Variants in ZDHHC17 observed in about 807,000 individuals in gnomAD.
The protein encoded by ZDHHC17 is palmitoyltransferase ZDHHC17.
ZDHHC17 carries 40 observed loss-of-function variants against 90.3 expected under a neutral mutation model. The observed-to-expected ratio is 0.44, with a 90% CI of 0.34 to 0.58. The LOEUF (loss-of-function observed/expected upper bound fraction) is 0.58. ZDHHC17 is among the 20% of genes least tolerant of loss of function. The pLI is 0.01. For synonymous variants in ZDHHC17, 235 were observed against 252.4 expected (o/e 0.93, Z 0.65); for missense variants, 614 against 780.8 (o/e 0.79, Z 2.55).
chr12:76,812,534 CTCTTT>C (rs1366723830), intron 5 of ZDHHC17, among the ~76,000 whole-genome samples: 5 of 152,070 alleles, frequency 3.3e-5, no homozygotes, highest in Non-Finnish European at 5.9e-5. Context: ...TCTTCCCTTT[CTCTTT>C]TATCGACTGT....
At chr12:76,775,265 A>G (rs1952545929) in intron 1 of ZDHHC17, among the ~76,000 whole-genome samples, 1 of 152,224 alleles carries the variant, frequency 6.6e-6, no homozygotes, top group African/African-American at 2.4e-5. Flanking sequence ...AAAATCATCA[A>G]AACTTGTGGA....
chr12:76,772,531 A>G (rs568461023), intron 1 of ZDHHC17, among the ~76,000 whole-genome samples: 2 of 118,700 alleles, frequency 1.7e-5, no homozygotes, highest in East Asian at 2.7e-4. Context: ...GGTTCTTAAC[A>G]CTTGTTTTTT....
At chr12:76,814,516 A>G (rs1316148611) in intron 5 of ZDHHC17, among the ~76,000 whole-genome samples, 2 of 151,908 alleles carry the variant, frequency 1.3e-5, no homozygotes, top group South Asian at 2.1e-4. Context: ...TTTTGTACCA[A>G]GGAATTTCAG....
At chr12:76,807,997 TG>T (rs1350772359) in intron 3 of ZDHHC17, among the ~76,000 whole-genome samples, 1 of 152,218 alleles carries the variant, frequency 6.6e-6, no homozygotes, top group Non-Finnish European at 1.5e-5. Flanking sequence ...GGAAATACTT[TG>T]TTAGGTTACT....
intron 13 of ZDHHC17, among the ~76,000 whole-genome samples, chr12:76,846,084 A>T (rs1953492109): frequency 6.6e-6 from 1 of 152,126 alleles, no homozygotes; most frequent in African/African-American, 2.4e-5. Context: ...TGAAGGCGGT[A>T]ATATTTGAAA....
intron 1 of ZDHHC17, chr12:76,781,756 A>C: frequency 2.2e-6 from 1 of 449,450 alleles, no homozygotes; most frequent in Non-Finnish European, 4.5e-6. Flanking sequence ...AAAATGGACT[A>C]AGACAGTAGG....
At chr12:76,815,366 A>T (rs1202068273) in intron 6 of ZDHHC17, among the ~76,000 whole-genome samples, 156 bp downstream of exon 6, 1 of 151,934 alleles carries the variant, frequency 6.6e-6, no homozygotes, top group Non-Finnish European at 1.5e-5. Context: ...ATGTTCTGGT[A>T]TCTCTGTGCT....
intron 10 of ZDHHC17, among the ~76,000 whole-genome samples, chr12:76,831,577 C>G (rs1271481127): frequency 6.6e-6 from 1 of 152,172 alleles, no homozygotes; most frequent in African/African-American, 2.4e-5. Context: ...GTCTTGAACT[C>G]CTGACCTGGT....
chr12:76,823,260 A>G (rs972132507), intron 8 of ZDHHC17, among the ~76,000 whole-genome samples: 1 of 152,188 alleles, frequency 6.6e-6, no homozygotes, highest in Non-Finnish European at 1.5e-5. Flanking sequence ...TCACAACTCC[A>G]GCTCTAACTT....
chr12:76,774,295 T>TAA, intron 1 of ZDHHC17, among the ~76,000 whole-genome samples: 1 of 151,834 alleles, frequency 6.6e-6, no homozygotes, highest in Non-Finnish European at 1.5e-5. Context: ...TGTATGTGTG[T>TAA]AAATATATAT....
intron 10 of ZDHHC17, among the ~76,000 whole-genome samples, chr12:76,834,234 CTTTTA>C (rs1158103179): frequency 6.6e-6 from 1 of 152,104 alleles, no homozygotes; most frequent in African/African-American, 2.4e-5. Flanking sequence ...GACTATGCTT[CTTTTA>C]TTATAATTAA....
intron 10 of ZDHHC17, among the ~76,000 whole-genome samples, chr12:76,830,575 G>A (rs1251155379): frequency 1.3e-5 from 2 of 152,086 alleles, no homozygotes; most frequent in African/African-American, 4.8e-5. Context: ...TGCCATATTG[G>A]AACACTTAGT....
chr12:76,831,866 A>C lies in ZDHHC17; in HGVS notation c.1141+3376A>C, dbSNP rs1269470319. ...TTGCCATGTTGCCCAGGCTAGTCTC[A>C]AACTCCTGGGCTCAAGTGGTTCTCT... is the stretch of plus-strand genomic sequence containing the variant. On this transcript the variant is annotated intron_variant, in intron 10 of 16. Transcript: ENST00000426126. Among the ~76,000 whole-genome samples the C allele has an allele frequency of 5.9e-5, 9 of 151,914 alleles. No homozygotes were observed. The East Asian group carries it at 1.8e-3, about 30-fold the overall frequency.
At chr12:76,790,406 G>A (rs937488497) in intron 1 of ZDHHC17, among the ~76,000 whole-genome samples, 2 of 152,086 alleles carry the variant, frequency 1.3e-5, no homozygotes, top group African/African-American at 4.8e-5. Context: ...GGAGACTGAG[G>A]CAGGAGAATC....
At chr12:76,806,390 T>C (rs944465781) in intron 3 of ZDHHC17, among the ~76,000 whole-genome samples, 2 of 152,136 alleles carry the variant, frequency 1.3e-5, no homozygotes, top group Non-Finnish European at 2.9e-5. Context: ...GCAATTCTCC[T>C]GCCTCAGCCT....
intron 1 of ZDHHC17, chr12:76,764,952 C>T (rs1463416627): frequency 1.4e-5 from 6 of 429,888 alleles, no homozygotes; most frequent in South Asian, 3.3e-5. Context: ...TACCGTTTTT[C>T]TAGGAGCTAG....
intron 2 of ZDHHC17, 121 bp downstream of exon 2, chr12:76,797,658 A>T: frequency 1.4e-6 from 1 of 713,924 alleles, no homozygotes; most frequent in African/African-American, 1.9e-5. Flanking sequence ...AAATTAGTTT[A>T]TGGGCCGGTT....
At chr12:76,820,616 G>T (rs922952100) in intron 7 of ZDHHC17, among the ~76,000 whole-genome samples, 2 of 152,268 alleles carry the variant, frequency 1.3e-5, no homozygotes, top group South Asian at 2.1e-4. Context: ...CTCTTGAAAT[G>T]AGGTAAGAAA....
intron 1 of ZDHHC17, among the ~76,000 whole-genome samples, chr12:76,771,811 A>G (rs927597860): frequency 6.6e-5 from 10 of 152,158 alleles, no homozygotes; most frequent in East Asian, 1.9e-4. Flanking sequence ...CTCTTGTTGC[A>G]GATGTCAACA....
Sources: allele counts gnomAD v4.1 joint callset (sites outside exome capture counted in the v4.1 genomes callset), GRCh38; gene constraint gnomAD v4.1.1; transcripts MANE v1.5; gene names NCBI Gene and HGNC (gene_info 2026-07-23, HGNC 2026-07-21).